Variants in WDSUB1 observed in about 807,000 individuals in gnomAD.
WDSUB1 encodes WD repeat, SAM and U-box domain-containing protein 1.
WDSUB1 carries 49 observed loss-of-function variants against 53.9 expected under a neutral mutation model. That is an observed-to-expected ratio of 0.91 (90% CI 0.72 to 1.15). The LOEUF is 1.15. Among genes scored for constraint, WDSUB1 ranks in the 50% most tolerant of loss-of-function variants. WDSUB1 has a pLI of 0.00. For missense variants in WDSUB1, 514 were observed against 562.0 expected, an observed-to-expected ratio of 0.91 and a Z score of 0.86; for synonymous variants, 194 against 200.6, an observed-to-expected ratio of 0.97 and a Z score of 0.28.
chr2:159,243,305 C>T (rs1000127099), intron 10 of WDSUB1, among the ~76,000 whole-genome samples: 6 of 147,356 alleles, frequency 4.1e-5, no homozygotes, highest in Non-Finnish European at 8.8e-5. Context: ...GGGCTGGGGT[C>T]GGAAGACAGT....
Position 159,282,246 on chromosome 2 carries a change from A to G in WDSUB1, c.398+426T>C, listed in dbSNP as rs1034077202. Among the ~76,000 whole-genome samples, 17 of 151,944 alleles carry G rather than the reference A, an allele frequency of 1.1e-4. 1 individual carries two copies. Among genetic ancestry groups the G allele is most frequent in the Non-Finnish European group, 8.8e-5 (6 of 67,982 alleles). On this transcript the variant is annotated intron_variant, in intron 2 of 10. Coordinates refer to ENST00000359774, the MANE Select transcript of WDSUB1 (RefSeq NM_001128212.3). ...CTCGGTCTGTCACCCAGGCTGGAGT[A>G]CAGTGGTGTGATCTCGGCTCACTGC...
At chr2:159,263,289 G>A (rs1299348865) in intron 5 of WDSUB1, among the ~76,000 whole-genome samples, 1 of 152,174 alleles carries the variant, frequency 6.6e-6, no homozygotes, top group East Asian at 1.9e-4. Flanking sequence ...TTACACTTCA[G>A]TATTTTAATT....
Position 159,275,058 on chromosome 2 carries a change from G to A in WDSUB1, c.676+488C>T, listed in dbSNP as rs2061512579. Among the ~76,000 whole-genome samples, 3 of 152,212 alleles carry A rather than the reference G, an allele frequency of 2.0e-5. No individual in the cohort carries two copies. In the South Asian group the frequency reaches 6.2e-4, roughly 32 times the overall value. On this transcript the variant is annotated intron_variant, in intron 4 of 10. Coordinates refer to ENST00000359774, the MANE Select transcript of WDSUB1 (RefSeq NM_001128212.3). ...ATAAAAAAAGAGAATCAATTCAGGAGGCCCAACATTCAATTAATGGAAGTT... is the reference window on the plus strand; with the variant it reads ...ATAAAAAAAGAGAATCAATTCAGGAAGCCCAACATTCAATTAATGGAAGTT...
intron 5 of WDSUB1, among the ~76,000 whole-genome samples, chr2:159,268,633 A>C (rs2061390238): frequency 2.0e-5 from 3 of 152,250 alleles, no homozygotes; most frequent in South Asian, 4.1e-4. Flanking sequence ...TGTGGGTCAG[A>C]ATGCTATGAC....
Position 159,271,718 on chromosome 2 carries a change from G to C in WDSUB1, c.754C>G (p.Gln252Glu). 1 of 1,613,974 alleles carries C rather than the reference G, an allele frequency of 6.2e-7. No homozygotes were observed. ...CTAGCTTACCCTGAGACTAGCATCTGCCCATCATGGGAAAAAGCACAAGCC... is the reference window on the plus strand; with the variant it reads ...CTAGCTTACCCTGAGACTAGCATCTCCCCATCATGGGAAAAAGCACAAGCC... ...VLACAFSHDGQMLVSGSVDKS... is the reference protein window; with the variant it reads ...VLACAFSHDGEMLVSGSVDKS... Residue 252 changes from glutamine to glutamate, a missense_variant, in exon 5 of 11, where the codon CAG becomes GAG. Coordinates refer to ENST00000359774, the MANE Select transcript of WDSUB1 (RefSeq NM_001128212.3).
intron 10 of WDSUB1, among the ~76,000 whole-genome samples, chr2:159,247,932 T>C (rs1261741605): frequency 1.1e-5 from 1 of 90,016 alleles, no homozygotes; most frequent in Non-Finnish European, 1.9e-5. Flanking sequence ...TATATAAATA[T>C]ATATATATAT....
intron 5 of WDSUB1, among the ~76,000 whole-genome samples, chr2:159,262,835 C>T (rs913613566): frequency 1.3e-5 from 2 of 152,142 alleles, no homozygotes; most frequent in African/African-American, 4.8e-5. Flanking sequence ...GAAGCCAAAT[C>T]AACAACCACT....
intron 6 of WDSUB1, among the ~76,000 whole-genome samples, chr2:159,258,982 G>A (rs1225228620): frequency 6.6e-6 from 1 of 152,054 alleles, no homozygotes; most frequent in Non-Finnish European, 1.5e-5. Context: ...TACAGCATTA[G>A]GAGGCTCCAC....
At chr2:159,279,379 A>G (rs1056732172) in intron 3 of WDSUB1, among the ~76,000 whole-genome samples, 4 of 152,236 alleles carry the variant, frequency 2.6e-5, no homozygotes, top group African/African-American at 9.6e-5. Context: ...CAATTTTTAA[A>G]GTTTACATTT....
chr2:159,238,549 T>C (rs768845463), intron 10 of WDSUB1, among the ~76,000 whole-genome samples: 86 of 152,370 alleles, frequency 5.6e-4, no homozygotes, highest in Non-Finnish European at 4.6e-4. Context: ...GGTGGTCTTA[T>C]TGTCAAAATA....
intron 5 of WDSUB1, among the ~76,000 whole-genome samples, chr2:159,260,379 G>A (rs944224413): frequency 4.6e-5 from 7 of 151,782 alleles, no homozygotes; most frequent in South Asian, 2.1e-4. Context: ...TACTATTTAC[G>A]CTACATGACC....
rs1397242998 is a variant in WDSUB1 at position 159,283,685 on chromosome 2, C to T, written c.-24-592G>A. ...TCAAAAAAAAAAAAAGAAAAAAAATCTAACACTGCAGCTGATCTGACAAGA... is the reference window on the plus strand; with the variant it reads ...TCAAAAAAAAAAAAAGAAAAAAAATTTAACACTGCAGCTGATCTGACAAGA... On this transcript the variant is annotated intron_variant, in intron 1 of 10. Coordinates refer to ENST00000359774, the MANE Select transcript of WDSUB1 (RefSeq NM_001128212.3). 2.0e-5 allele frequency among the ~76,000 whole-genome samples: 3 copies of T among 151,870 alleles called. No individual in the cohort carries two copies. In the South Asian group the frequency reaches 6.2e-4, roughly 31 times the overall value.
At position 159,275,597 on chromosome 2, in the gene WDSUB1, C is replaced by G; in HGVS notation, c.625G>C (p.Gly209Arg). The G allele has an allele frequency of 6.2e-7, 1 of 1,607,306 alleles. No homozygotes were observed. The highest frequency in any genetic ancestry group is 8.5e-7 in the Non-Finnish European group (1 of 1,178,190). Residue 209 changes from glycine to arginine, a missense_variant, in exon 4 of 11, where the codon GGT (glycine) becomes CGT (arginine). Transcript: ENST00000359774. ...CAAATTTTGACTTGGCAATCCTGAC[C>G]ACATGATGCCAGTCGAAAAAACTGA... is the stretch of plus-strand genomic sequence containing the variant. ...GLQFFRLASC[G>R]QDCQVKIWIV...
intron 10 of WDSUB1, 114 bp downstream of exon 10, chr2:159,248,258 A>T: frequency 7.9e-7 from 1 of 1,266,726 alleles, no homozygotes; most frequent in Non-Finnish European, 1.1e-6. Context: ...TAATTAGTTT[A>T]AGAAAAAACT....
chr2:159,239,069 G>A (rs1332457529), intron 10 of WDSUB1, among the ~76,000 whole-genome samples: 4 of 152,092 alleles, frequency 2.6e-5, no homozygotes, highest in African/African-American at 9.7e-5. Context: ...TGACATGACG[G>A]TAGCTCACTG....
rs767159588 is a variant in WDSUB1 at position 159,248,411 on chromosome 2, T to C, written c.1234A>G (p.Ile412Val). Residue 412 changes from isoleucine (I) to valine (V), a missense_variant, in exon 10 of 11, where the codon ATA becomes GTA. Transcript: ENST00000359774. ...GGATCTTTCATAAGTTCTCTAGTTATTGGACATATAAATTCATCAGGAATT... is the reference window on the plus strand; with the variant it reads ...GGATCTTTCATAAGTTCTCTAGTTACTGGACATATAAATTCATCAGGAATT... ...SGIPDEFICP[I>V]TRELMKDPVI... 7 of 1,611,662 alleles carry C rather than the reference T, an allele frequency of 4.3e-6. No individual in the cohort carries two copies. The highest frequency in any genetic ancestry group is 2.2e-5 in the East Asian group (1 of 44,712).
intron 9 of WDSUB1, among the ~76,000 whole-genome samples, chr2:159,251,228 T>G (rs2060945329): frequency 6.6e-6 from 1 of 151,632 alleles, no homozygotes; most frequent in South Asian, 2.1e-4. Flanking sequence ...TTCATGCCAC[T>G]GCACTCCAGC....
At chr2:159,251,560 T>C (rs918558159) in intron 9 of WDSUB1, among the ~76,000 whole-genome samples, 4 of 152,106 alleles carry the variant, frequency 2.6e-5, no homozygotes, top group African/African-American at 9.7e-5. Context: ...CCTTTTGTGA[T>C]TGGGAGTTAA....
chr2:159,268,742 A>C (rs6432524), intron 5 of WDSUB1, among the ~76,000 whole-genome samples: 86,927 of 152,036 alleles, frequency 0.57, 26,174 homozygotes, highest in African/African-American at 0.72. Context: ...TTGAATCATG[A>C]AACGATGTTC....
Sources: gnomAD v4.1 joint callset for allele counts (sites outside exome capture counted in the v4.1 genomes callset) on GRCh38, gnomAD v4.1.1 for gene constraint, MANE v1.5 for transcripts, NCBI Gene and HGNC (gene_info 2026-07-23, HGNC 2026-07-21) for gene names.